The following NINJ2 variants were observed in gnomAD, a reference collection of about 807,000 sequenced individuals.
NINJ2 encodes ninjurin-2.
NINJ2 carries 12 observed loss-of-function variants against 11.7 expected under a neutral mutation model. The ratio of observed to expected loss-of-function variants is 1.02; its 90% CI spans 0.66 to 1.66. NINJ2 has a LOEUF of 1.66. Ranked by LOEUF, NINJ2 falls within the 40% of genes most tolerant of loss-of-function variation. NINJ2 has a pLI of 0.00. For synonymous variants in NINJ2, 93 were observed against 76.8 expected, an observed-to-expected ratio of 1.21 and a Z score of -1.10; for missense variants, 187 against 181.8, an observed-to-expected ratio of 1.03 and a Z score of -0.16.
intron 1 of NINJ2, among the ~76,000 whole-genome samples, chr12:622,761 G>C (rs936660784): frequency 1.3e-5 from 2 of 151,846 alleles, no homozygotes; most frequent in Admixed American, 6.6e-5. Flanking sequence ...CCTAAATGCA[G>C]TCACACACGG....
chr12:576,776 C>G (rs1947467534), intron 1 of NINJ2, among the ~76,000 whole-genome samples: 1 of 152,210 alleles, frequency 6.6e-6, no homozygotes, highest in Non-Finnish European at 1.5e-5. Context: ...ATTTACCTAC[C>G]ACACAGAAAT....
intron 2 of NINJ2, chr12:565,620 T>TA (rs1336766181): frequency 6.0e-5 from 37 of 613,826 alleles, no homozygotes; most frequent in Middle Eastern, 8.7e-4. Context: ...TTTGGGAACT[T>TA]AAGCTGGGTC....
intron 1 of NINJ2, among the ~76,000 whole-genome samples, chr12:655,622 AAATG>A: frequency 6.6e-6 from 1 of 152,318 alleles, no homozygotes; most frequent in East Asian, 1.9e-4. Flanking sequence ...GGAACTAAAT[AAATG>A]AAGGGGACAA....
At chr12:648,996 G>GTCTGTCTA (rs10633920) in intron 1 of NINJ2, among the ~76,000 whole-genome samples, 39,453 of 148,896 alleles carry the variant, frequency 0.26, 5,455 homozygotes, top group Non-Finnish European at 0.3. Context: ...CTATCTATCT[G>GTCTGTCTA]TCTATCTATC....
At chr12:653,803 A>G (rs536266903) in intron 1 of NINJ2, among the ~76,000 whole-genome samples, 20 of 152,316 alleles carry the variant, frequency 1.3e-4, no homozygotes, top group South Asian at 2.1e-4. Flanking sequence ...TTGAATGTCA[A>G]TGGTCTAAGT....
At chr12:584,762 C>T (rs897918894) in intron 1 of NINJ2, among the ~76,000 whole-genome samples, 3 of 151,818 alleles carry the variant, frequency 2.0e-5, no homozygotes, top group South Asian at 2.1e-4. Flanking sequence ...GCCGAGATTG[C>T]GCCACTGCAC....
In NINJ2 at chr12:565,969, A is replaced by G. The variant is rs756158939; in HGVS notation, c.243T>C (p.Gly81=). 4.6e-5 allele frequency: 75 copies of G among 1,614,070 alleles called. No homozygotes were observed. The highest frequency in any genetic ancestry group is 1.1e-5 in the Non-Finnish European group (13 of 1,179,998). The change falls in exon 2 of 4, where the codon GGT becomes GGC. Residue 81 remains glycine, a synonymous_variant. Transcript: ENST00000305108. ...SLSLLLQVVI[G]VLLVVIARLN... Reference sequence around the variant, plus strand: ...CCTCACCAATGACCACGAGCAGGACACCGATGACCACCTGCAGGAGCAGAG... The same window carrying G: ...CCTCACCAATGACCACGAGCAGGACGCCGATGACCACCTGCAGGAGCAGAG...
At chr12:577,287 T>G (rs1337590781) in intron 1 of NINJ2, among the ~76,000 whole-genome samples, 1 of 149,622 alleles carries the variant, frequency 6.7e-6, no homozygotes, top group African/African-American at 2.5e-5. Context: ...ACGCTGAAGT[T>G]AAGCTAGGCT....
At chr12:567,939 A>C (rs1162492505) in intron 1 of NINJ2, among the ~76,000 whole-genome samples, 1 of 152,214 alleles carries the variant, frequency 6.6e-6, no homozygotes, top group Non-Finnish European at 1.5e-5. Flanking sequence ...ACCAGGAGGC[A>C]GAGGTTGCAG....
intron 1 of NINJ2, among the ~76,000 whole-genome samples, chr12:604,768 C>T (rs962264773): frequency 1.3e-5 from 2 of 152,132 alleles, no homozygotes; most frequent in African/African-American, 2.4e-5. Flanking sequence ...GAGGTACAGA[C>T]CTGAGATGGA....
intron 1 of NINJ2, among the ~76,000 whole-genome samples, chr12:601,802 G>T (rs1403334519): frequency 1.3e-5 from 2 of 152,154 alleles, no homozygotes; most frequent in African/African-American, 4.8e-5. Flanking sequence ...GGAGGCGGAG[G>T]TTGCAGTGAA....
At chr12:635,163 C>G (rs781195487) in intron 1 of NINJ2, among the ~76,000 whole-genome samples, 1 of 152,028 alleles carries the variant, frequency 6.6e-6, no homozygotes, top group African/African-American at 2.4e-5. Context: ...AAGTGATCCT[C>G]CTGCCTCAGC....
chr12:638,447 G>A (rs971522371), intron 1 of NINJ2, among the ~76,000 whole-genome samples: 4 of 152,054 alleles, frequency 2.6e-5, no homozygotes, highest in Admixed American at 6.5e-5. Context: ...ACGGAGTCTC[G>A]CTCTGTCACC....
At chr12:622,362 A>G (rs562825321) in intron 1 of NINJ2, among the ~76,000 whole-genome samples, 11 of 139,436 alleles carry the variant, frequency 7.9e-5, no homozygotes, top group Non-Finnish European at 1.5e-4. Flanking sequence ...GTGAGCTGAG[A>G]TCACGCCACT....
At chr12:599,397 C>G (rs1947835169) in intron 1 of NINJ2, among the ~76,000 whole-genome samples, 2 of 152,002 alleles carry the variant, frequency 1.3e-5, no homozygotes, top group African/African-American at 2.4e-5. Flanking sequence ...TCCCCCCGCC[C>G]CAGTTAATTT....
At chr12:619,020 A>G (rs1592100919) in intron 1 of NINJ2, among the ~76,000 whole-genome samples, 1 of 152,368 alleles carries the variant, frequency 6.6e-6, no homozygotes, top group South Asian at 2.1e-4. Flanking sequence ...CAGGGGCAGC[A>G]AAACTAAATC....
At chr12:625,194 A>T (rs1281768375) in intron 1 of NINJ2, among the ~76,000 whole-genome samples, 2 of 151,960 alleles carry the variant, frequency 1.3e-5, no homozygotes, top group African/African-American at 2.4e-5. Context: ...TTTAAGCTGG[A>T]CTCTGAAGGA....
chr12:593,344 T>C (rs1333621193), intron 1 of NINJ2, among the ~76,000 whole-genome samples: 5 of 152,154 alleles, frequency 3.3e-5, no homozygotes, highest in African/African-American at 4.8e-5. Context: ...CTAGCGATTG[T>C]TAAAGAAGCA....
At chr12:605,083 T>C (rs1947923967) in intron 1 of NINJ2, among the ~76,000 whole-genome samples, 1 of 152,354 alleles carries the variant, frequency 6.6e-6, no homozygotes, top group Non-Finnish European at 1.5e-5. Context: ...TTTGGATGTC[T>C]GAACTCCCAG....
Sources: gnomAD v4.1 joint callset for allele counts (sites outside exome capture counted in the v4.1 genomes callset) on GRCh38, gnomAD v4.1.1 for gene constraint, MANE v1.5 for transcripts, NCBI Gene and HGNC (gene_info 2026-07-23, HGNC 2026-07-21) for gene names.